Variants in MAGEA3 observed in about 807,000 individuals in gnomAD.
MAGEA3 encodes the protein melanoma-associated antigen 3.
For missense variants in MAGEA3, 207 were observed against 239.1 expected (o/e 0.87, Z 0.89); for synonymous variants, 110 against 102.2 (o/e 1.08, Z -0.46).
Position 152,701,920 on chromosome X carries a change from G to A in MAGEA3, c.*143G>A, listed in dbSNP as rs369858657. On this transcript the variant is annotated 3_prime_UTR_variant, in exon 3 of 3. Transcript: ENST00000370278. Reference sequence around the variant, plus strand: ...TTGAAGCGAGCAGTCAGCATTCTTAGTAGTGGGTTTCTGTTCTGTTGGATG... The same window carrying A: ...TTGAAGCGAGCAGTCAGCATTCTTAATAGTGGGTTTCTGTTCTGTTGGATG... 26 of 598,149 alleles carry A rather than the reference G, an allele frequency of 4.3e-5. No individual in the cohort carries two copies. In the African/African-American group the frequency reaches 5.8e-4, roughly 13 times the overall value. 49.3% of individuals were successfully genotyped at this position (598,149 alleles called of 1,213,427 possible). A position where few individuals can be genotyped will look rare whatever the true frequency, so the allele number is the denominator to read the frequency against.
At position 152,701,696 on chromosome X, in the gene MAGEA3, C is replaced by T; in HGVS notation, c.864C>T (p.His288=). ...LVETSYVKVL[H]HMVKISGGPH... is the part of the protein sequence containing the mutation. ...AAACCAGCTATGTGAAAGTCCTGCACCATATGGTAAAGATCAGTGGAGGAC... is the reference window on the plus strand; with the variant it reads ...AAACCAGCTATGTGAAAGTCCTGCATCATATGGTAAAGATCAGTGGAGGAC... The change falls in exon 3 of 3, where the codon CAC becomes CAT. Residue 288 remains histidine, a synonymous_variant. Transcript: ENST00000370278. The T allele has an allele frequency of 2.5e-6, 3 of 1,210,297 alleles. No homozygotes were observed. Among genetic ancestry groups the T allele is most frequent in the Non-Finnish European group, 3.4e-6 (3 of 894,553 alleles).
rs368605065 is a variant in MAGEA3 at position 152,701,618 on chromosome X, C to T, written c.786C>T (p.Pro262=). 49 of 1,208,852 alleles carry T rather than the reference C, an allele frequency of 4.1e-5. No individual in the cohort carries two copies. The highest frequency in any genetic ancestry group is 4.6e-4 in the Middle Eastern group (2 of 4,371). Residue 262 remains proline (P), a synonymous_variant, in exon 3 of 3, where the codon CCC becomes CCT. Transcript: ENST00000370278. ...QENYLEYRQV[P]GSDPACYEFL... ...ACTACCTGGAGTACCGGCAGGTCCC[C>T]GGCAGTGATCCTGCATGTTATGAAT...
chrX:152,701,206 G>A lies in MAGEA3; in HGVS notation c.374G>A (p.Arg125Gln), dbSNP rs140660790. The A allele has an allele frequency of 1.8e-5, 22 of 1,207,996 alleles. No homozygotes were observed. In the East Asian group the frequency reaches 4.2e-4, roughly 23 times the overall value. ...ELVHFLLLKYRAREPVTKAEM... is the reference protein window; with the variant it reads ...ELVHFLLLKYQAREPVTKAEM... ...GTTCATTTTCTGCTCCTCAAGTATCGAGCCAGGGAGCCGGTCACAAAGGCA... is the reference window on the plus strand; with the variant it reads ...GTTCATTTTCTGCTCCTCAAGTATCAAGCCAGGGAGCCGGTCACAAAGGCA... Residue 125 changes from arginine to glutamine, a missense_variant, in exon 3 of 3, where the codon CGA (arginine) becomes CAA (glutamine). Coordinates refer to ENST00000370278, the MANE Select transcript of MAGEA3 (RefSeq NM_005362.4).
chrX:152,701,481 C>G lies in MAGEA3; in HGVS notation c.649C>G (p.Pro217Ala), dbSNP rs368156903. The change falls in exon 3 of 3, where the codon CCT (proline) becomes GCT (alanine). Residue 217 changes from proline to alanine, a missense_variant. Transcript: ENST00000370278. ...AATCGCAAGAGAGGGCGACTGTGCC[C>G]CTGAGGAGAAAATCTGGGAGGAGCT... ...AIIAREGDCA[P>A]EEKIWEELSV... is the part of the protein sequence containing the mutation. The G allele has an allele frequency of 8.3e-7, 1 of 1,208,599 alleles. No homozygotes were observed. The highest frequency in any genetic ancestry group is 1.1e-6 in the Non-Finnish European group (1 of 894,260).
In MAGEA3 at chrX:152,701,147, C is replaced by A; in HGVS notation, c.315C>A (p.Phe105Leu). ...CCTTCCCTGACCTGGAGTCCGAGTTCCAAGCAGCACTCAGTAGGAAGGTGG... is the reference window on the plus strand; with the variant it reads ...CCTTCCCTGACCTGGAGTCCGAGTTACAAGCAGCACTCAGTAGGAAGGTGG... ...PSTFPDLESE[F>L]QAALSRKVAE... Residue 105 changes from phenylalanine to leucine, a missense_variant, in exon 3 of 3, where the codon TTC becomes TTA. By Grantham distance (22) the Phe-to-Leu change is conservative. Coordinates refer to ENST00000370278, the MANE Select transcript of MAGEA3 (RefSeq NM_005362.4). The A allele has an allele frequency of 8.3e-7, 1 of 1,209,552 alleles. No homozygotes were observed. The highest frequency in any genetic ancestry group is 1.1e-6 in the Non-Finnish European group (1 of 893,984).
At position 152,701,316 on chromosome X, in the gene MAGEA3, T is replaced by A; in HGVS notation, c.484T>A (p.Phe162Ile). ...SKASSSLQLV[F>I]GIELMEVDPI... ...AGCTTCCAGTTCCTTGCAGCTGGTC[T>A]TTGGCATCGAGCTGATGGAAGTGGA... Residue 162 changes from phenylalanine to isoleucine, a missense_variant, in exon 3 of 3, where the codon TTT becomes ATT. By Grantham distance (21) the Phe-to-Ile change is conservative. Coordinates refer to ENST00000370278, the MANE Select transcript of MAGEA3 (RefSeq NM_005362.4). 1 of 1,210,148 alleles carries A rather than the reference T, an allele frequency of 8.3e-7. No individual in the cohort carries two copies. Among genetic ancestry groups the A allele is most frequent in the Non-Finnish European group, 1.1e-6 (1 of 894,222 alleles).
In MAGEA3 at chrX:152,701,886, C is replaced by A; in HGVS notation, c.*109C>A. On this transcript the variant is annotated 3_prime_UTR_variant, in exon 3 of 3. Transcript: ENST00000370278. ...TGCCTCCTGTGACGTGAGGCCCATT[C>A]TTCACTCTTTGAAGCGAGCAGTCAG... The A allele has an allele frequency of 1.2e-6, 1 of 813,547 alleles. No homozygotes were observed. The highest frequency in any genetic ancestry group is 1.8e-6 in the Non-Finnish European group (1 of 562,485). The allele number at this position is 813,547 out of a possible 1,213,427, so 67.0% of individuals were successfully genotyped here.
In MAGEA3 at chrX:152,701,540, C is replaced by A. The variant is rs781867592; in HGVS notation, c.708C>A (p.Asp236Glu). ...TAGAGGTGTTTGAGGGGAGGGAAGA[C>A]AGTATCTTGGGGGATCCCAAGAAGC... is the stretch of plus-strand genomic sequence containing the variant. ...SVLEVFEGRE[D>E]SILGDPKKLL... The change falls in exon 3 of 3, where the codon GAC becomes GAA. Residue 236 changes from aspartate to glutamate, a missense_variant. Physicochemically the swap from Asp to Glu is conservative, Grantham distance 45. Transcript: ENST00000370278. 2 of 1,210,324 alleles carry A rather than the reference C, an allele frequency of 1.7e-6. No homozygotes were observed. The highest frequency in any genetic ancestry group is 3.5e-5 in the South Asian group (2 of 56,867).
In MAGEA3 at chrX:152,701,700, A is replaced by T. The variant is rs1413294554; in HGVS notation, c.868A>T (p.Met290Leu). ...CAGCTATGTGAAAGTCCTGCACCAT[A>T]TGGTAAAGATCAGTGGAGGACCTCA... is the stretch of plus-strand genomic sequence containing the variant. Reference protein sequence around the residue: ...ETSYVKVLHHMVKISGGPHIS... With the variant: ...ETSYVKVLHHLVKISGGPHIS... The change falls in exon 3 of 3, where the codon ATG becomes TTG. Residue 290 changes from methionine to leucine, a missense_variant. Met to Leu is a conservative substitution (Grantham distance 15). Coordinates refer to ENST00000370278, the MANE Select transcript of MAGEA3 (RefSeq NM_005362.4). The T allele has an allele frequency of 6.6e-6, 8 of 1,210,211 alleles. No individual in the cohort carries two copies. The East Asian group carries it at 1.2e-4, about 18-fold the overall frequency.
rs79585035 is a variant in MAGEA3, at chrX:152,701,609, G to C, written c.777G>C (p.Arg259=). 1 of 1,209,023 alleles carries C rather than the reference G, an allele frequency of 8.3e-7. No homozygotes were observed. Among genetic ancestry groups the C allele is most frequent in the African/African-American group, 1.7e-5 (1 of 57,291 alleles). ...TGCAGGAAAACTACCTGGAGTACCG[G>C]CAGGTCCCCGGCAGTGATCCTGCAT... is the stretch of plus-strand genomic sequence containing the variant. ...HFVQENYLEY[R]QVPGSDPACY... Residue 259 remains arginine, a synonymous_variant, in exon 3 of 3, where the codon CGG becomes CGC. Coordinates refer to ENST00000370278, the MANE Select transcript of MAGEA3 (RefSeq NM_005362.4).
chrX:152,699,868 C>T (rs1443033013), intron 1 of MAGEA3, among the ~76,000 whole-genome samples: 5 of 96,651 alleles, frequency 5.2e-5, no homozygotes, highest in Non-Finnish European at 8.3e-5. Context: ...TGCCCTGCTC[C>T]TGCTGTTACC....
In MAGEA3 at chrX:152,701,753, G is replaced by T. The variant is rs2124948155; in HGVS notation, c.921G>T (p.Trp307Cys). The change falls in exon 3 of 3, where the codon TGG (tryptophan) becomes TGT (cysteine). Residue 307 changes from tryptophan to cysteine, a missense_variant. Transcript: ENST00000370278. ...TTTCCTACCCACCCCTGCATGAGTG[G>T]GTTTTGAGAGAGGGGGAAGAGTGAG... is the stretch of plus-strand genomic sequence containing the variant. ...PHISYPPLHE[W>C]VLREGEE The T allele has an allele frequency of 4.1e-6, 5 of 1,208,961 alleles. No homozygotes were observed. The South Asian group carries it at 8.9e-5, about 21-fold the overall frequency.
At position 152,701,620 on chromosome X, in the gene MAGEA3, G is replaced by T; in HGVS notation, c.788G>T (p.Gly263Val). The change falls in exon 3 of 3, where the codon GGC becomes GTC. Residue 263 changes from glycine to valine, a missense_variant. By Grantham distance (109) the Gly-to-Val change is moderately radical. Transcript: ENST00000370278. ...ENYLEYRQVP[G>V]SDPACYEFLW... ...TACCTGGAGTACCGGCAGGTCCCCG[G>T]CAGTGATCCTGCATGTTATGAATTC... The T allele has an allele frequency of 8.3e-7, 1 of 1,210,314 alleles. No individual in the cohort carries two copies.
Position 152,701,574 on chromosome X carries a change from C to G in MAGEA3, c.742C>G (p.Gln248Glu). Residue 248 changes from glutamine (Q) to glutamate (E), a missense_variant, in exon 3 of 3, where the codon CAA becomes GAA. Transcript: ENST00000370278. Reference sequence around the variant, plus strand: ...GGGGGATCCCAAGAAGCTGCTCACCCAACATTTCGTGCAGGAAAACTACCT... The same window carrying G: ...GGGGGATCCCAAGAAGCTGCTCACCGAACATTTCGTGCAGGAAAACTACCT... ...ILGDPKKLLTQHFVQENYLEY... is the reference protein window; with the variant it reads ...ILGDPKKLLTEHFVQENYLEY... 1 of 1,210,324 alleles carries G rather than the reference C, an allele frequency of 8.3e-7. No homozygotes were observed. Among genetic ancestry groups the G allele is most frequent in the Non-Finnish European group, 1.1e-6 (1 of 894,478 alleles).
chrX:152,701,830 A>C lies in MAGEA3; in HGVS notation c.*53A>C, dbSNP rs1931785734. ...AGTGGGAGGGGGTCTGGGCCAGTGCACCTTCCGGGGCCGCATCCCTTAGTT... is the reference window on the plus strand; with the variant it reads ...AGTGGGAGGGGGTCTGGGCCAGTGCCCCTTCCGGGGCCGCATCCCTTAGTT... On this transcript the variant is annotated 3_prime_UTR_variant, in exon 3 of 3. Transcript: ENST00000370278. 1.8e-6 allele frequency: 2 copies of C among 1,134,978 alleles called. No individual in the cohort carries two copies. The highest frequency in any genetic ancestry group is 2.4e-6 in the Non-Finnish European group (2 of 841,622). 93.5% of individuals were successfully genotyped at this position (1,134,978 alleles called of 1,213,427 possible).
In MAGEA3 at chrX:152,702,104, G is replaced by C. The variant is rs782066334; in HGVS notation, c.*327G>C. 1 of 302,136 alleles carries C rather than the reference G, an allele frequency of 3.3e-6. No individual in the cohort carries two copies. Among genetic ancestry groups the C allele is most frequent in the Middle Eastern group, 1.1e-3 (1 of 930 alleles). 24.9% of individuals were successfully genotyped at this position (302,136 alleles called of 1,213,427 possible). On this transcript the variant is annotated 3_prime_UTR_variant, in exon 3 of 3. Coordinates refer to ENST00000370278, the MANE Select transcript of MAGEA3 (RefSeq NM_005362.4). Reference sequence around the variant, plus strand: ...AAGAGTCTTGTTTTTTACTCAAATTGGGAAATCCATTCCATTTTGTGAATT... The same window carrying C: ...AAGAGTCTTGTTTTTTACTCAAATTCGGAAATCCATTCCATTTTGTGAATT...
At position 152,701,298 on chromosome X, in the gene MAGEA3, A is replaced by T. The variant is rs782460836; in HGVS notation, c.466A>T (p.Ser156Cys). Residue 156 changes from serine to cysteine, a missense_variant, in exon 3 of 3, where the codon AGT becomes TGT. Ser to Cys is a moderately radical substitution (Grantham distance 112). Coordinates refer to ENST00000370278, the MANE Select transcript of MAGEA3 (RefSeq NM_005362.4). ...TCCTGTGATCTTCAGCAAAGCTTCC[A>T]GTTCCTTGCAGCTGGTCTTTGGCAT... is the stretch of plus-strand genomic sequence containing the variant. ...FFPVIFSKAS[S>C]SLQLVFGIEL... is the part of the protein sequence containing the mutation. 7 of 1,207,368 alleles carry T rather than the reference A, an allele frequency of 5.8e-6. No individual in the cohort carries two copies. The highest frequency in any genetic ancestry group is 6.7e-6 in the Non-Finnish European group (6 of 893,121).
In MAGEA3 at chrX:152,701,877, A is replaced by G. The variant is rs1291444401; in HGVS notation, c.*100A>G. ...AGTTTCCACTGCCTCCTGTGACGTGAGGCCCATTCTTCACTCTTTGAAGCG... is the reference window on the plus strand; with the variant it reads ...AGTTTCCACTGCCTCCTGTGACGTGGGGCCCATTCTTCACTCTTTGAAGCG... On this transcript the variant is annotated 3_prime_UTR_variant, in exon 3 of 3. Transcript: ENST00000370278. 9.2e-6 allele frequency: 8 copies of G among 866,637 alleles called. No individual in the cohort carries two copies. The Admixed American group carries it at 2.0e-4, about 22-fold the overall frequency. The allele number at this position is 866,637 out of a possible 1,213,427, so 71.4% of individuals were successfully genotyped here. A position where few individuals can be genotyped will look rare whatever the true frequency, so the allele number is the denominator to read the frequency against.
In MAGEA3 at chrX:152,701,136, G is replaced by T; in HGVS notation, c.304G>T (p.Glu102Ter). Reference protein sequence around the residue: ...EEGPSTFPDLESEFQAALSRK... With the variant: ...EEGPSTFPDL ...GGGGCCAAGCACCTTCCCTGACCTG[G>T]AGTCCGAGTTCCAAGCAGCACTCAG... The change falls in exon 3 of 3, where the codon GAG becomes TAG. Residue 102 changes from glutamate (E) to a stop codon, truncating the protein, a stop_gained. Transcript: ENST00000370278. LOFTEE classifies it low-confidence loss of function (END_TRUNC). 1 of 1,209,480 alleles carries T rather than the reference G, an allele frequency of 8.3e-7. No homozygotes were observed. The highest frequency in any genetic ancestry group is 1.1e-6 in the Non-Finnish European group (1 of 893,969).
Sources: gnomAD v4.1 joint callset for allele counts (sites outside exome capture counted in the v4.1 genomes callset) on GRCh38, gnomAD v4.1.1 for gene constraint, MANE v1.5 for transcripts, NCBI Gene and HGNC (gene_info 2026-07-23, HGNC 2026-07-21) for gene names.